Variants in TMEM132B observed in about 807,000 individuals in gnomAD.
TMEM132B encodes transmembrane protein 132B.
TMEM132B carries 18 observed loss-of-function variants against 90.8 expected under a neutral mutation model. The ratio of observed to expected loss-of-function variants is 0.20; its 90% CI spans 0.14 to 0.29. The LOEUF (loss-of-function observed/expected upper bound fraction) is 0.29, where lower values mean the gene tolerates loss of function less well. Ranked by LOEUF, TMEM132B falls within the 10% of genes least tolerant of loss-of-function variation. The pLI is 1.00. For synonymous variants in TMEM132B, 504 were observed against 523.3 expected (o/e 0.96, Z 0.50); for missense variants, 1,096 against 1,326.8 (o/e 0.83, Z 2.70).
chr12:125,627,707 A>T (rs1487887547), intron 5 of TMEM132B, among the ~76,000 whole-genome samples: 1 of 152,002 alleles, frequency 6.6e-6, no homozygotes, highest in Non-Finnish European at 1.5e-5. Flanking sequence ...TGTACAATTA[A>T]ATTATTATTG....
chr12:125,326,432 C>A, intron 1 of TMEM132B: 1 of 666,020 alleles, frequency 1.5e-6, no homozygotes, highest in Non-Finnish European at 2.6e-6. Context: ...TCCTTGTTGA[C>A]CTGTTTCCAA....
At chr12:125,501,134 T>G (rs1882685350) in intron 3 of TMEM132B, among the ~76,000 whole-genome samples, 1 of 152,216 alleles carries the variant, frequency 6.6e-6, no homozygotes, top group Non-Finnish European at 1.5e-5. Flanking sequence ...GATGGGAAGG[T>G]TCACAAACAG....
intron 1 of TMEM132B, among the ~76,000 whole-genome samples, chr12:125,199,234 G>A (rs80192397): frequency 0.039 from 5,964 of 152,272 alleles, 150 homozygotes; most frequent in African/African-American, 0.065. Context: ...GGGGACCCAC[G>A]CCAGTGGTTA....
At chr12:125,633,835 C>T (rs1192060656) in intron 5 of TMEM132B, among the ~76,000 whole-genome samples, 1 of 152,234 alleles carries the variant, frequency 6.6e-6, no homozygotes, top group East Asian at 1.9e-4. Flanking sequence ...GACATAAGCA[C>T]CCCTGTGGCC....
chr12:125,487,294 C>T (rs150435771), intron 3 of TMEM132B, among the ~76,000 whole-genome samples: 183 of 152,256 alleles, frequency 1.2e-3, no homozygotes, highest in African/African-American at 4.3e-3. Context: ...CACAGTGTGG[C>T]TTGTCACTAA....
At chr12:125,334,583 T>C (rs1461308185) in intron 1 of TMEM132B, among the ~76,000 whole-genome samples, 1 of 152,346 alleles carries the variant, frequency 6.6e-6, no homozygotes, top group East Asian at 1.9e-4. Flanking sequence ...CTGGTTTGAA[T>C]GGGCAGCCTG....
chr12:125,448,017 G>A (rs1881050485), intron 3 of TMEM132B, among the ~76,000 whole-genome samples: 1 of 152,164 alleles, frequency 6.6e-6, no homozygotes, highest in African/African-American at 2.4e-5. Flanking sequence ...TGTAATCCCA[G>A]CACTTTGGAA....
intron 5 of TMEM132B, chr12:125,622,662 A>G: frequency 5.1e-6 from 5 of 985,408 alleles, no homozygotes; most frequent in Non-Finnish European, 6.0e-6. Flanking sequence ...TCTGGGTAGC[A>G]CTGAACAGAT....
Position 125,209,149 on chromosome 12 carries a change from G to A in TMEM132B, c.67+22283G>A, listed in dbSNP as rs1282605145. On this transcript the variant is annotated intron_variant, in intron 1 of 8. Transcript: ENST00000682704. This position sits in a 1 kb window ranked among gnomAD's most constrained non-coding sequence, Gnocchi z 4.4. ...GCCTGGGAAGCGGGAGCCAGCAGGT[G>A]GTGGTGAGAGGCTTGGGGATTAAAG... Among the ~76,000 whole-genome samples the A allele has an allele frequency of 6.6e-6, 1 of 152,358 alleles. No individual in the cohort carries two copies. Among genetic ancestry groups the A allele is most frequent in the Middle Eastern group, 3.4e-3 (1 of 294 alleles).
In TMEM132B at chr12:125,630,458, G is replaced by T. The variant is rs185372353; in HGVS notation, c.1438-13618G>T. ...TTATGGTAGCCACTAATAATCCTTT[G>T]AATATCTGCAGTATCAGTTGTAATG... On this transcript the variant is annotated intron_variant, in intron 5 of 8. Coordinates refer to ENST00000682704, the MANE Select transcript of TMEM132B (RefSeq NM_001366854.1). Among the ~76,000 whole-genome samples the T allele has an allele frequency of 2.0e-3, 304 of 152,040 alleles. 1 individual carries two copies. The highest frequency in any genetic ancestry group is 3.6e-3 in the Non-Finnish European group (244 of 67,928).
intron 4 of TMEM132B, among the ~76,000 whole-genome samples, chr12:125,575,395 C>T (rs76118934): frequency 6.6e-6 from 1 of 151,702 alleles, no homozygotes; most frequent in African/African-American, 2.4e-5. Flanking sequence ...ATCCTATCCC[C>T]TCATTTTTAA....
intron 2 of TMEM132B, among the ~76,000 whole-genome samples, chr12:125,355,611 C>T (rs1204529413): frequency 6.6e-6 from 1 of 152,152 alleles, no homozygotes; most frequent in Non-Finnish European, 1.5e-5. Flanking sequence ...TATTCAGTCT[C>T]TCGAAATAAG....
chr12:125,609,975 A>ACT (rs1566088541), intron 5 of TMEM132B, among the ~76,000 whole-genome samples: 1 of 150,694 alleles, frequency 6.6e-6, no homozygotes, highest in Non-Finnish European at 1.5e-5. Context: ...ATTCCTAAGT[A>ACT]TTTTTTTTCT....
rs549903330 is a variant in TMEM132B at position 125,350,295 on chromosome 12, T to A, written c.911T>A (p.Phe304Tyr). ...GTCCGGGAAGGGGACACGGCCACCT[T>A]TTTGGTCTCTCTGACCAGTAGCTCT... ...NLVREGDTAT[F>Y]LVSLTSSSVA... The change falls in exon 2 of 9, where the codon TTT (phenylalanine) becomes TAT (tyrosine). Residue 304 changes from phenylalanine to tyrosine, a missense_variant. Physicochemically the swap from Phe to Tyr is conservative, Grantham distance 22 (BLOSUM62 3). Coordinates refer to ENST00000682704, the MANE Select transcript of TMEM132B (RefSeq NM_001366854.1). The A allele has an allele frequency of 2.5e-5, 40 of 1,613,730 alleles. 1 individual carries two copies. The South Asian group carries it at 4.1e-4, about 16-fold the overall frequency.
At chr12:125,373,143 A>G (rs977146045) in intron 2 of TMEM132B, among the ~76,000 whole-genome samples, 2 of 152,236 alleles carry the variant, frequency 1.3e-5, no homozygotes, top group Non-Finnish European at 2.9e-5. Flanking sequence ...GGTCAGCTCC[A>G]TGCGGGCAGG....
At chr12:125,647,994 C>T (rs966754899) in intron 6 of TMEM132B, among the ~76,000 whole-genome samples, 1 of 147,992 alleles carries the variant, frequency 6.8e-6, no homozygotes, top group Non-Finnish European at 1.5e-5. Context: ...TGCTGGTGTG[C>T]TGCACCCACT....
chr12:125,328,286 C>G (rs1392023659), intron 1 of TMEM132B, among the ~76,000 whole-genome samples: 1 of 152,320 alleles, frequency 6.6e-6, no homozygotes, highest in East Asian at 1.9e-4. Context: ...GGTGCCCTCA[C>G]TCCTGCCCAG....
intron 5 of TMEM132B, among the ~76,000 whole-genome samples, chr12:125,629,416 T>C (rs900001480): frequency 6.6e-6 from 1 of 152,100 alleles, no homozygotes; most frequent in African/African-American, 2.4e-5. Context: ...AGTGGGATTA[T>C]TTTTTAAATT....
intron 1 of TMEM132B, among the ~76,000 whole-genome samples, chr12:125,322,459 T>G (rs1008603133): frequency 2.0e-5 from 3 of 152,222 alleles, no homozygotes; most frequent in Non-Finnish European, 4.4e-5. Context: ...TGTGAATATC[T>G]AGAACATTCA....
Sources: allele counts gnomAD v4.1 joint callset (sites outside exome capture counted in the v4.1 genomes callset), GRCh38; gene constraint gnomAD v4.1.1; non-coding constraint Gnocchi (gnomAD v3.1); transcripts MANE v1.5; gene names NCBI Gene and HGNC (gene_info 2026-07-23, HGNC 2026-07-21).